The following SEMG2 variants were observed in gnomAD, a reference collection of about 807,000 sequenced individuals.
SEMG2 encodes semenogelin-2.
SEMG2 carries 3 observed loss-of-function variants against 8.1 expected under a neutral mutation model. The ratio of observed to expected loss-of-function variants is 0.37; its 90% confidence interval spans 0.17 to 0.96. The LOEUF is 0.96. SEMG2 is among the 40% of genes least tolerant of loss of function. The probability of loss-of-function intolerance (pLI) is 0.41; values close to 1 mark genes in which losing one functional copy is unlikely to be tolerated. For missense variants in SEMG2, 726 were observed against 671.2 expected, an observed-to-expected ratio of 1.08 and a Z score of -0.90; for synonymous variants, 252 against 231.4, an observed-to-expected ratio of 1.09 and a Z score of -0.81.
chr20:45,222,003 A>ACATGATAG lies in SEMG2; in HGVS notation c.372_379dup (p.Val127AlafsTer2). 1.9e-6 allele frequency: 3 copies of ACATGATAG among 1,614,140 alleles called. No homozygotes were observed. The highest frequency in any genetic ancestry group is 1.6e-4 in the Middle Eastern group (1 of 6,062). On this transcript the variant is annotated frameshift_variant, in exon 2 of 3. Coordinates refer to ENST00000372769, the MANE Select transcript of SEMG2 (RefSeq NM_003008.3). LOFTEE classifies it low-confidence loss of function (END_TRUNC). ...CATGATAAATCAAAAGGTCATTTTC[A>ACATGATAG]CATGATAGTTATACATCATAAAGGA...
rs376514438 is a variant in SEMG2 at position 45,222,635 on chromosome 20, C to T, written c.1003C>T (p.Gln335Ter). ...KSQNQVTIHS[Q>*]DQEHGHKENK... Reference sequence around the variant, plus strand: ...TCAAAACCAGGTAACAATTCATAGTCAAGATCAAGAGCATGGCCATAAGGA... The same window carrying T: ...TCAAAACCAGGTAACAATTCATAGTTAAGATCAAGAGCATGGCCATAAGGA... Residue 335 changes from glutamine (Q) to a stop codon, truncating the protein, a stop_gained, in exon 2 of 3, where the codon CAA becomes TAA. Coordinates refer to ENST00000372769, the MANE Select transcript of SEMG2 (RefSeq NM_003008.3). LOFTEE classifies it low-confidence loss of function (END_TRUNC). 2.8e-5 allele frequency: 45 copies of T among 1,613,768 alleles called. No individual in the cohort carries two copies. The highest frequency in any genetic ancestry group is 3.4e-5 in the Non-Finnish European group (40 of 1,179,984).
Position 45,223,220 on chromosome 20 carries a change from T to C in SEMG2, c.1588T>C (p.Ser530Pro), listed in dbSNP as rs148503407. ...AAATGCAAAAGGAAAGTCTGGTCAA[T>C]CTGCAGATAGCAAACAAGACCTACT... ...GQNAKGKSGQ[S>P]ADSKQDLLSH... The change falls in exon 2 of 3, where the codon TCT (serine) becomes CCT (proline). Residue 530 changes from serine (S) to proline (P), a missense_variant. Transcript: ENST00000372769. 56 of 1,613,972 alleles carry C rather than the reference T, an allele frequency of 3.5e-5. No homozygotes were observed. In the African/African-American group the frequency reaches 6.7e-4, roughly 19 times the overall value.
In SEMG2 at chr20:45,222,630, A is replaced by T; in HGVS notation, c.998A>T (p.His333Leu). ...AAGTCTCAAAACCAGGTAACAATTC[A>T]TAGTCAAGATCAAGAGCATGGCCAT... ...HGKSQNQVTI[H>L]SQDQEHGHKE... The change falls in exon 2 of 3, where the codon CAT becomes CTT. Residue 333 changes from histidine to leucine, a missense_variant. By Grantham distance (99) the His-to-Leu change is moderately conservative. Coordinates refer to ENST00000372769, the MANE Select transcript of SEMG2 (RefSeq NM_003008.3). 2 of 1,610,442 alleles carry T rather than the reference A, an allele frequency of 1.2e-6. No individual in the cohort carries two copies.
chr20:45,223,413 G>C lies in SEMG2; in HGVS notation c.*32G>C. The C allele has an allele frequency of 1.2e-5, 18 of 1,495,580 alleles. No homozygotes were observed. The highest frequency in any genetic ancestry group is 1.4e-5 in the Non-Finnish European group (15 of 1,090,076). The allele number at this position is 1,495,580 out of a possible 1,614,324, so 92.6% of individuals were successfully genotyped here. A position where few individuals can be genotyped will look rare whatever the true frequency, so the allele number is the denominator to read the frequency against. ...TGCTTAGCAACCACTTGAAAAGCTG[G>C]ACCAATAGCAAGGTAAGTTTGCTTT... On this transcript the variant is annotated 3_prime_UTR_variant, in exon 2 of 3. Coordinates refer to ENST00000372769, the MANE Select transcript of SEMG2 (RefSeq NM_003008.3).
In SEMG2 at chr20:45,223,034, T is replaced by C. The variant is rs765242990; in HGVS notation, c.1402T>C (p.Tyr468His). 12 of 1,613,998 alleles carry C rather than the reference T, an allele frequency of 7.4e-6. No homozygotes were observed. The South Asian group carries it at 8.8e-5, about 12-fold the overall frequency. ...TGGCCATAAGGAAAATAAAATGTCA[T>C]ACCAATCTTCAAGTACAGAAGAAAG... ...EHGHKENKMSYQSSSTEERRL... is the reference protein window; with the variant it reads ...EHGHKENKMSHQSSSTEERRL... Residue 468 changes from tyrosine to histidine, a missense_variant, in exon 2 of 3, where the codon TAC becomes CAC. Physicochemically the swap from Tyr to His is moderately conservative, Grantham distance 83. Transcript: ENST00000372769.
rs368066575 is a variant in SEMG2, at chr20:45,222,357, A to G, written c.725A>G (p.His242Arg). 23 of 1,614,050 alleles carry G rather than the reference A, an allele frequency of 1.4e-5. No homozygotes were observed. The highest frequency in any genetic ancestry group is 1.9e-5 in the Non-Finnish European group (22 of 1,180,022). ...SKLQTSLHPA[H>R]QDRLQHGPKD... ...CTACAAACTTCACTCCATCCTGCAC[A>G]TCAAGACAGACTCCAACATGGACCC... Residue 242 changes from histidine (H) to arginine (R), a missense_variant, in exon 2 of 3, where the codon CAT (histidine) becomes CGT (arginine). Physicochemically the swap from His to Arg is conservative, Grantham distance 29 (BLOSUM62 0). Coordinates refer to ENST00000372769, the MANE Select transcript of SEMG2 (RefSeq NM_003008.3).
intron 2 of SEMG2, 27 bp downstream of exon 2, chr20:45,223,452 G>T (rs1984074813): frequency 1.8e-6 from 2 of 1,081,396 alleles, no homozygotes; most frequent in Non-Finnish European, 1.3e-6. Context: ...TACCAAATAG[G>T]AGAGGTGCCT....
rs41303937 is a variant in SEMG2, at chr20:45,221,431, C to A, written c.42C>A (p.Ile14=). Residue 14 remains isoleucine (I), a synonymous_variant, in exon 1 of 3, where the codon ATC becomes ATA. Coordinates refer to ENST00000372769, the MANE Select transcript of SEMG2 (RefSeq NM_003008.3). ...IILFVLSLLL[I]LEKQAAVMGQ... is the part of the protein sequence containing the mutation. ...TCTTTGTCCTTTCCCTGCTCCTTATCTTGGAGAAGCAAGCAGCTGTGATGG... is the reference window on the plus strand; with the variant it reads ...TCTTTGTCCTTTCCCTGCTCCTTATATTGGAGAAGCAAGCAGCTGTGATGG... 6.2e-7 allele frequency: 1 copy of A among 1,614,112 alleles called. No homozygotes were observed. Among genetic ancestry groups the A allele is most frequent in the Non-Finnish European group, 8.5e-7 (1 of 1,179,992 alleles).
intron 2 of SEMG2, 47 bp downstream of exon 2, chr20:45,223,472 T>G (rs924139324): frequency 3.8e-6 from 3 of 791,568 alleles, no homozygotes; most frequent in East Asian, 5.2e-5. Context: ...TGTCCCAAAG[T>G]TGGGGACTCT....
Position 45,222,248 on chromosome 20 carries a change from C to T in SEMG2, c.616C>T (p.Gln206Ter). Residue 206 changes from glutamine (Q) to a stop codon, truncating the protein, a stop_gained, in exon 2 of 3, where the codon CAA becomes TAA. Transcript: ENST00000372769. LOFTEE classifies it low-confidence loss of function (END_TRUNC). ...LQTEELVVNK[Q>*]QRETKNSHQN... ...AACTGAAGAACTAGTAGTTAACAAA[C>T]AACAACGTGAGACTAAAAATTCTCA... is the stretch of plus-strand genomic sequence containing the variant. 1 of 1,614,094 alleles carries T rather than the reference C, an allele frequency of 6.2e-7. No individual in the cohort carries two copies. Among genetic ancestry groups the T allele is most frequent in the South Asian group, 1.1e-5 (1 of 91,070 alleles).
chr20:45,222,147 G>A lies in SEMG2; in HGVS notation c.515G>A (p.Ser172Asn), dbSNP rs1984031103. ...TEKRLWVHGL[S>N]KEQASASGAQ... is the part of the protein sequence containing the mutation. ...AAAAGGCTATGGGTTCATGGACTAA[G>A]TAAAGAACAAGCTTCAGCCTCTGGT... Residue 172 changes from serine (S) to asparagine (N), a missense_variant, in exon 2 of 3, where the codon AGT becomes AAT. Physicochemically the swap from Ser to Asn is conservative, Grantham distance 46. Transcript: ENST00000372769. The A allele has an allele frequency of 6.2e-7, 1 of 1,614,148 alleles. No individual in the cohort carries two copies. The highest frequency in any genetic ancestry group is 8.5e-7 in the Non-Finnish European group (1 of 1,179,992).
At position 45,223,116 on chromosome 20, in the gene SEMG2, C is replaced by T; in HGVS notation, c.1484C>T (p.Ser495Phe). The T allele has an allele frequency of 1.2e-6, 2 of 1,614,074 alleles. No homozygotes were observed. Among genetic ancestry groups the T allele is most frequent in the Non-Finnish European group, 1.7e-6 (2 of 1,179,960 alleles). The change falls in exon 2 of 3, where the codon TCT becomes TTT. Residue 495 changes from serine to phenylalanine, a missense_variant. Coordinates refer to ENST00000372769, the MANE Select transcript of SEMG2 (RefSeq NM_003008.3). ...TQKDVSQSSI[S>F]FQIEKLVEGK... ...AAAGATGTATCCCAAAGCAGTATTT[C>T]TTTCCAAATTGAAAAGCTAGTAGAA...
Position 45,223,110 on chromosome 20 carries a change from G to A in SEMG2, c.1478G>A (p.Ser493Asn). Reference sequence around the variant, plus strand: ...ACGCAGAAAGATGTATCCCAAAGCAGTATTTCTTTCCAAATTGAAAAGCTA... The same window carrying A: ...ACGCAGAAAGATGTATCCCAAAGCAATATTTCTTTCCAAATTGAAAAGCTA... ...KSTQKDVSQS[S>N]ISFQIEKLVE... The change falls in exon 2 of 3, where the codon AGT becomes AAT. Residue 493 changes from serine to asparagine, a missense_variant. By Grantham distance (46) the Ser-to-Asn change is conservative. Transcript: ENST00000372769. 1 of 1,614,082 alleles carries A rather than the reference G, an allele frequency of 6.2e-7. No homozygotes were observed. Among genetic ancestry groups the A allele is most frequent in the East Asian group, 2.2e-5 (1 of 44,876 alleles).
Position 45,222,389 on chromosome 20 carries a change from A to G in SEMG2, c.757A>G (p.Ile253Val), listed in dbSNP as rs763022212. 3 of 1,614,152 alleles carry G rather than the reference A, an allele frequency of 1.9e-6. No homozygotes were observed. Among genetic ancestry groups the G allele is most frequent in the Non-Finnish European group, 2.5e-6 (3 of 1,179,998 alleles). ...CAGACTCCAACATGGACCCAAAGAC[A>G]TTTTTACTACCCAAGATGAGCTCCT... ...QDRLQHGPKDIFTTQDELLVY... is the reference protein window; with the variant it reads ...QDRLQHGPKDVFTTQDELLVY... The change falls in exon 2 of 3, where the codon ATT becomes GTT. Residue 253 changes from isoleucine to valine, a missense_variant. By Grantham distance (29) the Ile-to-Val change is conservative (BLOSUM62 3). Transcript: ENST00000372769.
chr20:45,222,779 C>T lies in SEMG2; in HGVS notation c.1147C>T (p.His383Tyr). 2 of 1,614,076 alleles carry T rather than the reference C, an allele frequency of 1.2e-6. No homozygotes were observed. Among genetic ancestry groups the T allele is most frequent in the Non-Finnish European group, 1.7e-6 (2 of 1,179,988 alleles). ...TTCGATCCAAACTGAAGAGCAAATA[C>T]ATGGCAAGTCTCAAAACCAGGTAAG... ...SISIQTEEQI[H>Y]GKSQNQVRIP... The change falls in exon 2 of 3, where the codon CAT becomes TAT. Residue 383 changes from histidine to tyrosine, a missense_variant. His to Tyr is a moderately conservative substitution (Grantham distance 83, BLOSUM62 2). Transcript: ENST00000372769.
chr20:45,222,638 G>A lies in SEMG2; in HGVS notation c.1006G>A (p.Asp336Asn). ...SQNQVTIHSQ[D>N]QEHGHKENKI... ...AAACCAGGTAACAATTCATAGTCAA[G>A]ATCAAGAGCATGGCCATAAGGAAAA... is the stretch of plus-strand genomic sequence containing the variant. Residue 336 changes from aspartate to asparagine, a missense_variant, in exon 2 of 3, where the codon GAT (aspartate) becomes AAT (asparagine). Coordinates refer to ENST00000372769, the MANE Select transcript of SEMG2 (RefSeq NM_003008.3). 1 of 1,613,990 alleles carries A rather than the reference G, an allele frequency of 6.2e-7. No individual in the cohort carries two copies. Among genetic ancestry groups the A allele is most frequent in the South Asian group, 1.1e-5 (1 of 91,066 alleles).
At chr20:45,223,788 C>T (rs1424586882) in intron 2 of SEMG2, among the ~76,000 whole-genome samples, 1 of 152,138 alleles carries the variant, frequency 6.6e-6, no homozygotes, top group Non-Finnish European at 1.5e-5. Context: ...CAAATTCTTT[C>T]TCATATAGTA....
At chr20:45,223,845 G>A (rs1264126444) in intron 2 of SEMG2, among the ~76,000 whole-genome samples, 1 of 152,108 alleles carries the variant, frequency 6.6e-6, no homozygotes, top group Non-Finnish European at 1.5e-5. Flanking sequence ...ATACATGAAT[G>A]TTCTTGCATC....
Position 45,221,734 on chromosome 20 carries a change from CG to C in SEMG2, c.104del (p.Gly35AspfsTer37), listed in dbSNP as rs1387766154. The C allele has an allele frequency of 3.1e-6, 5 of 1,609,192 alleles. No individual in the cohort carries two copies. In the Admixed American group the frequency reaches 6.8e-5, roughly 22 times the overall value. ...KGGSKGQLPS[G>X]SSQFPHGQKG... ...GTGGATCAAAAGGCCAATTGCCAAG[CG>C]GATCTTCCCAATTTCCACATGGACA... On this transcript the variant is annotated frameshift_variant, in exon 2 of 3. Coordinates refer to ENST00000372769, the MANE Select transcript of SEMG2 (RefSeq NM_003008.3). LOFTEE classifies it high-confidence loss of function.
Sources: gnomAD v4.1 joint callset for allele counts (sites outside exome capture counted in the v4.1 genomes callset) on GRCh38, gnomAD v4.1.1 for gene constraint, MANE v1.5 for transcripts, NCBI Gene and HGNC (gene_info 2026-07-23, HGNC 2026-07-21) for gene names.